The following KLHL13 variants were observed in gnomAD, a reference collection of about 807,000 sequenced individuals.
KLHL13 encodes the protein kelch like family member 13.
KLHL13 carries 10 observed loss-of-function variants against 37.1 expected under a neutral mutation model. The observed-to-expected ratio is 0.27, with a 90% CI of 0.17 to 0.46. The LOEUF (loss-of-function observed/expected upper bound fraction) is 0.46. Among genes scored for constraint, KLHL13 ranks in the 20% least tolerant of loss-of-function variants. The probability of loss-of-function intolerance (pLI) is 1.00; values close to 1 mark genes in which losing one functional copy is unlikely to be tolerated. For synonymous variants in KLHL13, 163 were observed against 181.2 expected, an observed-to-expected ratio of 0.90 and a Z score of 0.81; for missense variants, 360 against 509.3, an observed-to-expected ratio of 0.71 and a Z score of 2.82.
In KLHL13 at chrX:118,100,973, C is replaced by T. The variant is rs759172644; in HGVS notation, c.-56+15535G>A. Among the ~76,000 whole-genome samples, 11 of 111,095 alleles carry T rather than the reference C, an allele frequency of 9.9e-5. No homozygotes were observed. In the East Asian group the frequency reaches 2.3e-3, roughly 23 times the overall value. On this transcript the variant is annotated intron_variant, in intron 1 of 6. Transcript: ENST00000371882. ...ATGTCTATACATATCATCTGTTTAA[C>T]GATATTGCAAGATCCTTGAAAGTGG...
chrX:117,988,038 A>G (rs924552522), intron 1 of KLHL13, among the ~76,000 whole-genome samples: 4 of 112,387 alleles, frequency 3.6e-5, no homozygotes, highest in African/African-American at 1.3e-4. Flanking sequence ...TAGATTTTAA[A>G]ACAAAGAGAA....
intron 1 of KLHL13, among the ~76,000 whole-genome samples, chrX:118,089,615 A>C (rs2055098894): frequency 1.7e-5 from 1 of 60,433 alleles, no homozygotes; most frequent in African/African-American, 6.3e-5. Flanking sequence ...AGAGAGAGAA[A>C]GAAAGAGAAA....
chrX:117,906,789 C>T (rs1342815867), intron 5 of KLHL13, among the ~76,000 whole-genome samples: 1 of 111,167 alleles, frequency 9.0e-6, no homozygotes, highest in Non-Finnish European at 1.9e-5. Flanking sequence ...TCTATGAGGT[C>T]ATTATAGATT....
At chrX:118,035,508 A>T (rs1358845278) in intron 1 of KLHL13, among the ~76,000 whole-genome samples, 5 of 109,001 alleles carry the variant, frequency 4.6e-5, no homozygotes, top group African/African-American at 1.7e-4. Flanking sequence ...ATTATCTCAA[A>T]AGATGCAGAA....
chrX:118,001,269 T>C (rs762946859), intron 1 of KLHL13, among the ~76,000 whole-genome samples: 1 of 111,769 alleles, frequency 8.9e-6, no homozygotes, highest in African/African-American at 3.2e-5. Context: ...CTTTTCGTAG[T>C]CTGGGGCAGG....
intron 1 of KLHL13, among the ~76,000 whole-genome samples, chrX:117,991,452 T>C (rs779037623): frequency 7.2e-5 from 8 of 111,414 alleles, no homozygotes; most frequent in Non-Finnish European, 1.3e-4. Context: ...TAATTCAAAA[T>C]TTAGAATTCA....
chrX:118,094,536 A>C (rs948745419), intron 1 of KLHL13, among the ~76,000 whole-genome samples: 12 of 110,966 alleles, frequency 1.1e-4, no homozygotes, highest in Non-Finnish European at 2.1e-4. Flanking sequence ...GGAAATACAG[A>C]GAACGTCACA....
At chrX:118,037,045 T>G (rs2054453207) in intron 1 of KLHL13, among the ~76,000 whole-genome samples, 1 of 93,773 alleles carries the variant, frequency 1.1e-5, no homozygotes, top group African/African-American at 4.0e-5. Flanking sequence ...CACAATGAGA[T>G]ACCATCTCAC....
At chrX:118,086,510 T>C (rs969673228) in intron 1 of KLHL13, among the ~76,000 whole-genome samples, 3 of 111,914 alleles carry the variant, frequency 2.7e-5, no homozygotes, top group African/African-American at 9.7e-5. Context: ...TTGTATGGTA[T>C]GTGAATTATA....
intron 1 of KLHL13, among the ~76,000 whole-genome samples, chrX:118,050,059 T>C (rs1242424626): frequency 8.9e-6 from 1 of 112,172 alleles, no homozygotes; most frequent in Non-Finnish European, 1.9e-5. Flanking sequence ...TCTTTCTTTT[T>C]TTCTTTTTAG....
intron 1 of KLHL13, among the ~76,000 whole-genome samples, chrX:118,008,676 C>T (rs2054016139): frequency 9.0e-6 from 1 of 111,426 alleles, no homozygotes; most frequent in South Asian, 3.8e-4. Context: ...ACAGGCAAAA[C>T]CCTTGTCCTC....
At chrX:117,986,440 C>T (rs1011994821) in intron 1 of KLHL13, among the ~76,000 whole-genome samples, 6 of 111,341 alleles carry the variant, frequency 5.4e-5, no homozygotes, top group Admixed American at 1.9e-4. Context: ...AGACCATGCA[C>T]GCCAGAAAAC....
chrX:118,053,844 A>AGGAGAG (rs34634118), intron 1 of KLHL13, among the ~76,000 whole-genome samples: 3 of 14,143 alleles, frequency 2.1e-4, no homozygotes, highest in African/African-American at 5.2e-4. Context: ...AGAGAGAGAG[A>AGGAGAG]GAGAGGAGAG....
intron 1 of KLHL13, among the ~76,000 whole-genome samples, chrX:117,949,794 G>C (rs1933494594): frequency 8.9e-6 from 1 of 112,011 alleles, no homozygotes; most frequent in African/African-American, 3.2e-5. Context: ...CAAGGAAAAG[G>C]GAACATTTTG....
rs1285638622 is a variant in KLHL13 at position 117,972,661 on chromosome X, G to A, written c.98+70C>T. 1.1e-5 allele frequency: 10 copies of A among 945,707 alleles called. No homozygotes were observed. In the Admixed American group the frequency reaches 1.9e-4, roughly 18 times the overall value. 77.9% of individuals were successfully genotyped at this position (945,707 alleles called of 1,213,427 possible). ...GATGTTGCTGTTTGGGGGCTCCCCC[G>A]CCCCCATTTTGCCACAAGGTAGATT... On this transcript the variant is annotated intron_variant, in intron 1 of 6. Transcript: ENST00000262820.
chrX:117,978,973 C>G (rs1416834045), intron 1 of KLHL13, among the ~76,000 whole-genome samples: 1 of 110,655 alleles, frequency 9.0e-6, no homozygotes, highest in African/African-American at 3.3e-5. Flanking sequence ...TTCTGTAGCC[C>G]AGGCTGGAGT....
upstream of KLHL13, chrX:118,117,251 G>C (rs2055482970): frequency 2.7e-5 from 3 of 112,480 alleles, no homozygotes; most frequent in Admixed American, 2.8e-4. Flanking sequence ...AGCAAAGGGT[G>C]TGCCCTGGAA....
intron 1 of KLHL13, among the ~76,000 whole-genome samples, chrX:117,951,816 A>G (rs1323474199): frequency 8.9e-6 from 1 of 112,376 alleles, no homozygotes; most frequent in Non-Finnish European, 1.9e-5. Flanking sequence ...TATCCTATTT[A>G]ATCCTTGTAA....
chrX:117,955,594 G>A lies in KLHL13; in HGVS notation c.99-10019C>T, dbSNP rs771478790. Among the ~76,000 whole-genome samples the A allele has an allele frequency of 1.5e-4, 17 of 111,314 alleles. No individual in the cohort carries two copies. The South Asian group carries it at 6.4e-3, about 42-fold the overall frequency. On this transcript the variant is annotated intron_variant, in intron 1 of 6. Coordinates refer to ENST00000262820, the Ensembl canonical transcript of KLHL13. ...CAGCCAGTATTTTTAAGACAGGGGA[G>A]AATAATACAAAAAAAGAAGACAGGC...
Sources: allele counts gnomAD v4.1 joint callset (sites outside exome capture counted in the v4.1 genomes callset), GRCh38; gene constraint gnomAD v4.1.1; transcripts MANE v1.5; gene names NCBI Gene and HGNC (gene_info 2026-07-23, HGNC 2026-07-21).